GRK5: variants seen among roughly 807,000 people sequenced by gnomAD.
GRK5 encodes g protein-coupled receptor kinase GRK5.
A neutral mutation model predicts 78.4 loss-of-function variants in GRK5; 40 were observed. The ratio of observed to expected loss-of-function variants is 0.51; its 90% confidence interval spans 0.40 to 0.66. The LOEUF (loss-of-function observed/expected upper bound fraction) is 0.66, where lower values mean the gene tolerates loss of function less well. Ranked by LOEUF, GRK5 falls within the 30% of genes least tolerant of loss-of-function variation. The pLI is 0.00. For missense variants in GRK5, 598 were observed against 759.9 expected, an observed-to-expected ratio of 0.79 and a Z score of 2.50; for synonymous variants, 289 against 296.8, an observed-to-expected ratio of 0.97 and a Z score of 0.27.
In GRK5 at chr10:119,396,684, T is replaced by G. The variant is rs1310998404; in HGVS notation, c.262-11T>G. 6.2e-7 allele frequency: 1 copy of G among 1,605,074 alleles called. No individual in the cohort carries two copies. Among genetic ancestry groups the G allele is most frequent in the African/African-American group, 1.3e-5 (1 of 74,848 alleles). ...AACCTGTTATTGTTCTTTTTTCTCCTTCTGTTTTAGGCAGAATATGAAGTT... is the reference window on the plus strand; with the variant it reads ...AACCTGTTATTGTTCTTTTTTCTCCGTCTGTTTTAGGCAGAATATGAAGTT... On this transcript the variant is annotated splice_polypyrimidine_tract_variant and intron_variant, in intron 3 of 15. Transcript: ENST00000392870.
At chr10:119,303,606 A>G (rs1249085115) in intron 1 of GRK5, among the ~76,000 whole-genome samples, 1 of 152,170 alleles carries the variant, frequency 6.6e-6, no homozygotes, top group Admixed American at 6.5e-5. Flanking sequence ...TTGGGAAGTC[A>G]TTAGAGGATT....
intron 1 of GRK5, among the ~76,000 whole-genome samples, chr10:119,293,395 AGTT>A (rs1247858779): frequency 6.6e-6 from 1 of 152,188 alleles, no homozygotes; most frequent in Non-Finnish European, 1.5e-5. Context: ...ACCATGGGAT[AGTT>A]GTAAAACCTT....
chr10:119,404,520 C>T (rs183743310), intron 4 of GRK5, among the ~76,000 whole-genome samples: 2 of 152,320 alleles, frequency 1.3e-5, no homozygotes, highest in African/African-American at 4.8e-5. Flanking sequence ...GTTTTGATGA[C>T]ATTCAGCCTT....
intron 4 of GRK5, among the ~76,000 whole-genome samples, chr10:119,413,275 C>T (rs1852380320): frequency 6.6e-6 from 1 of 151,760 alleles, no homozygotes. Context: ...TTCCTTAGCA[C>T]TGTGATTGGC....
intron 1 of GRK5, among the ~76,000 whole-genome samples, chr10:119,222,002 G>C (rs997944623): frequency 2.6e-5 from 4 of 152,186 alleles, no homozygotes; most frequent in Non-Finnish European, 4.4e-5. Context: ...CAGGCAGGGG[G>C]TACACTCAGA....
In GRK5 at chr10:119,238,031, C is replaced by A. The variant is rs750096201; in HGVS notation, c.52+30062C>A. ...CTTGCATTTCCTGTCTTTAAACTTACGAACTAAAGGGCTTGAGGGTGAGGG... is the reference window on the plus strand; with the variant it reads ...CTTGCATTTCCTGTCTTTAAACTTAAGAACTAAAGGGCTTGAGGGTGAGGG... On this transcript the variant is annotated intron_variant, in intron 1 of 15. Transcript: ENST00000392870. The surrounding 1 kb of genome is among the most constrained non-coding windows in gnomAD (Gnocchi z 4.7). Among the ~76,000 whole-genome samples, 131 of 152,198 alleles carry A rather than the reference C, an allele frequency of 8.6e-4. No homozygotes were observed. Among genetic ancestry groups the A allele is most frequent in the African/African-American group, 2.9e-3 (121 of 41,534 alleles).
intron 2 of GRK5, among the ~76,000 whole-genome samples, chr10:119,371,319 A>G (rs1312919528): frequency 6.6e-6 from 1 of 152,196 alleles, no homozygotes; most frequent in African/African-American, 2.4e-5. Context: ...GGCCGCCCTC[A>G]CTGCCTGTGT....
intron 4 of GRK5, among the ~76,000 whole-genome samples, chr10:119,396,990 C>T (rs904182049): frequency 2.0e-5 from 3 of 152,216 alleles, no homozygotes; most frequent in Non-Finnish European, 2.9e-5. Context: ...GGAGTAGGGG[C>T]GGGATGCCTG....
chr10:119,400,648 G>A (rs1852134947), intron 4 of GRK5, among the ~76,000 whole-genome samples: 1 of 152,178 alleles, frequency 6.6e-6, no homozygotes, highest in African/African-American at 2.4e-5. Context: ...TGAGCTGTAG[G>A]CCCTGGGAAG....
intron 3 of GRK5, among the ~76,000 whole-genome samples, chr10:119,381,730 G>T (rs1191628783): frequency 6.6e-6 from 1 of 152,162 alleles, no homozygotes; most frequent in African/African-American, 2.4e-5. Context: ...GGTCATGAAG[G>T]GTGTGAAGTC....
In GRK5 at chr10:119,318,921, G is replaced by A. The variant is rs1000516316; in HGVS notation, c.53-7595G>A. ...GCAGTTTTTTGGGTGGAATGATACC[G>A]TTATTCTTCCCTGGGTTAGCCACAG... On this transcript the variant is annotated intron_variant, in intron 1 of 15. Transcript: ENST00000392870. Among the ~76,000 whole-genome samples the A allele has an allele frequency of 2.0e-5, 3 of 152,112 alleles. No homozygotes were observed. In the South Asian group the frequency reaches 6.3e-4, roughly 32 times the overall value.
intron 1 of GRK5, among the ~76,000 whole-genome samples, chr10:119,229,671 C>T (rs1444232911): frequency 6.6e-6 from 1 of 152,122 alleles, no homozygotes; most frequent in African/African-American, 2.4e-5. Flanking sequence ...AACTCCATTA[C>T]AAAGTAATCT....
rs1392588491 is a variant in GRK5, at chr10:119,412,669, A to C, written c.340-10497A>C. On this transcript the variant is annotated intron_variant, in intron 4 of 15. Coordinates refer to ENST00000392870, the MANE Select transcript of GRK5 (RefSeq NM_005308.3). The surrounding 1 kb of genome is among the most constrained non-coding windows in gnomAD (Gnocchi z 4.3). ...CCACATGGCCCTGAAGGTTTTGATTAAAAAGGTGGAAGAATGGTGCTTTTT... is the reference window on the plus strand; with the variant it reads ...CCACATGGCCCTGAAGGTTTTGATTCAAAAGGTGGAAGAATGGTGCTTTTT... 6.6e-6 allele frequency among the ~76,000 whole-genome samples: 1 copy of C among 152,164 alleles called. No homozygotes were observed. Among genetic ancestry groups the C allele is most frequent in the Non-Finnish European group, 1.5e-5 (1 of 68,026 alleles).
chr10:119,300,158 G>T (rs192573957), intron 1 of GRK5, among the ~76,000 whole-genome samples: 21 of 152,290 alleles, frequency 1.4e-4, no homozygotes, highest in Non-Finnish European at 2.8e-4. Flanking sequence ...GGAAAAATCT[G>T]CATGTCTCAT....
At chr10:119,246,932 A>C (rs556534329) in intron 1 of GRK5, among the ~76,000 whole-genome samples, 1 of 152,204 alleles carries the variant, frequency 6.6e-6, no homozygotes, top group Admixed American at 6.5e-5. Context: ...CTGCTGTTTT[A>C]ACTGGCACAG....
chr10:119,293,396 G>A (rs10128498), intron 1 of GRK5, among the ~76,000 whole-genome samples: 90,861 of 152,024 alleles, frequency 0.6, 27,864 homozygotes, highest in East Asian at 0.79. Flanking sequence ...CCATGGGATA[G>A]TTGTAAAACC....
At position 119,389,467 on chromosome 10, in the gene GRK5, G is replaced by C. The variant is rs147419776; in HGVS notation, c.262-7228G>C. ...TAGGAAGCCAGACCCCGGGAGCAGG[G>C]CTGTCTTGAAAAAGTGCCACTTCTA... On this transcript the variant is annotated intron_variant, in intron 3 of 15. Transcript: ENST00000392870. 3.1e-4 allele frequency among the ~76,000 whole-genome samples: 47 copies of C among 152,306 alleles called. No homozygotes were observed. In the East Asian group the frequency reaches 5.0e-3, roughly 16 times the overall value.
chr10:119,224,446 T>C (rs1848703731), intron 1 of GRK5, among the ~76,000 whole-genome samples: 2 of 152,132 alleles, frequency 1.3e-5, no homozygotes, highest in African/African-American at 4.8e-5. Flanking sequence ...TGTTGCTCTG[T>C]CGCCCAGGCT....
Position 119,253,545 on chromosome 10 carries a change from T to G in GRK5, c.52+45576T>G, listed in dbSNP as rs1563290. ...GGAGCTTAGGGTGCTGTGATATGCTTGCGGGATGCTGCCCCACCACGGCTG... is the reference window on the plus strand; with the variant it reads ...GGAGCTTAGGGTGCTGTGATATGCTGGCGGGATGCTGCCCCACCACGGCTG... On this transcript the variant is annotated intron_variant, in intron 1 of 15. Coordinates refer to ENST00000392870, the MANE Select transcript of GRK5 (RefSeq NM_005308.3). The surrounding 1 kb of genome is among the most constrained non-coding windows in gnomAD (Gnocchi z 5.7). 0.021 allele frequency among the ~76,000 whole-genome samples: 3,217 copies of G among 152,276 alleles called. 57 individuals are homozygous for G. The highest frequency in any genetic ancestry group is 0.054 in the Admixed American group (831 of 15,298).
Sources: allele counts gnomAD v4.1 joint callset (sites outside exome capture counted in the v4.1 genomes callset), GRCh38; gene constraint gnomAD v4.1.1; non-coding constraint Gnocchi (gnomAD v3.1); transcripts MANE v1.5; gene names NCBI Gene and HGNC (gene_info 2026-07-23, HGNC 2026-07-21).